IL1RAPL2: variants seen among roughly 807,000 people sequenced by gnomAD.
IL1RAPL2 encodes interleukin 1 receptor accessory protein like 2.
Under a neutral mutation model 44.1 loss-of-function variants are expected in IL1RAPL2, and 3 were observed. The ratio of observed to expected loss-of-function variants is 0.07; its 90% CI spans 0.03 to 0.18. The LOEUF (loss-of-function observed/expected upper bound fraction) is 0.18, where lower values mean the gene tolerates loss of function less well. Ranked by LOEUF, IL1RAPL2 falls within the 10% of genes least tolerant of loss-of-function variation. IL1RAPL2 has a pLI of 1.00. For missense variants in IL1RAPL2, 391 were observed against 496.4 expected, an observed-to-expected ratio of 0.79 and a Z score of 2.02; for synonymous variants, 181 against 178.8, an observed-to-expected ratio of 1.01 and a Z score of -0.10.
chrX:104,887,542 T>A (rs1323673290), intron 2 of IL1RAPL2, among the ~76,000 whole-genome samples: 1 of 111,323 alleles, frequency 9.0e-6, no homozygotes, highest in East Asian at 2.8e-4. Context: ...GGACTACTCA[T>A]GACGTAAATG....
chrX:105,320,034 A>G (rs776500469), intron 5 of IL1RAPL2, among the ~76,000 whole-genome samples: 1 of 111,205 alleles, frequency 9.0e-6, no homozygotes, highest in African/African-American at 3.3e-5. Flanking sequence ...GTACAGACTT[A>G]TATAAGGTCA....
At chrX:104,864,331 C>T (rs1324880392) in intron 2 of IL1RAPL2, among the ~76,000 whole-genome samples, 1 of 112,193 alleles carries the variant, frequency 8.9e-6, no homozygotes, top group Non-Finnish European at 1.9e-5. Context: ...TGTTTCTGAG[C>T]TCTGAAAACT....
intron 5 of IL1RAPL2, among the ~76,000 whole-genome samples, chrX:105,296,318 A>C (rs950523394): frequency 8.9e-5 from 10 of 111,771 alleles, no homozygotes; most frequent in Non-Finnish European, 1.9e-4. Flanking sequence ...CATGACTTTT[A>C]TAATCATCTC....
chrX:105,006,978 C>T (rs2030953369), intron 2 of IL1RAPL2, among the ~76,000 whole-genome samples: 1 of 111,521 alleles, frequency 9.0e-6, no homozygotes, highest in East Asian at 2.9e-4. Flanking sequence ...AGTCCCCTCT[C>T]AAGGGGCTGG....
intron 3 of IL1RAPL2, among the ~76,000 whole-genome samples, chrX:105,218,279 T>C (rs2033886590): frequency 9.0e-6 from 1 of 111,192 alleles, no homozygotes; most frequent in African/African-American, 3.3e-5. Context: ...AACCACGTAC[T>C]AGTGACTCCC....
intron 1 of IL1RAPL2, among the ~76,000 whole-genome samples, chrX:104,610,259 A>G (rs1321851960): frequency 9.0e-6 from 1 of 110,963 alleles, no homozygotes; most frequent in East Asian, 2.9e-4. Context: ...CCTATTCAAC[A>G]TAGTGTTGGA....
chrX:104,713,598 T>C (rs1931501177), intron 2 of IL1RAPL2, among the ~76,000 whole-genome samples: 1 of 110,529 alleles, frequency 9.0e-6, no homozygotes, highest in Non-Finnish European at 1.9e-5. Flanking sequence ...TCTTTTTATG[T>C]GTATATATAT....
chrX:104,979,519 C>A (rs2030398425), intron 2 of IL1RAPL2, among the ~76,000 whole-genome samples: 1 of 111,573 alleles, frequency 9.0e-6, no homozygotes. Flanking sequence ...TTTTGCAATA[C>A]ATGACAGATA....
At chrX:104,733,283 T>C (rs1242696803) in intron 2 of IL1RAPL2, among the ~76,000 whole-genome samples, 1 of 111,297 alleles carries the variant, frequency 9.0e-6, no homozygotes, top group Non-Finnish European at 1.9e-5. Flanking sequence ...ATGATTGTCT[T>C]GATATAAATT....
chrX:105,281,631 A>G (rs1378590740), intron 5 of IL1RAPL2, among the ~76,000 whole-genome samples: 2 of 111,416 alleles, frequency 1.8e-5, no homozygotes, highest in African/African-American at 3.3e-5. Flanking sequence ...TTGTGTTACA[A>G]TTGTCTGTAG....
chrX:104,644,171 A>G (rs1929989983), intron 1 of IL1RAPL2, among the ~76,000 whole-genome samples: 1 of 111,790 alleles, frequency 8.9e-6, no homozygotes, highest in African/African-American at 3.2e-5. Context: ...TATACATATT[A>G]AAGTCATAGA....
At chrX:104,858,660 T>G (rs758414803) in intron 2 of IL1RAPL2, among the ~76,000 whole-genome samples, 27 of 112,433 alleles carry the variant, frequency 2.4e-4, no homozygotes, top group African/African-American at 8.4e-4. Context: ...GTCACTTGCT[T>G]ATCTGTTTGG....
intron 6 of IL1RAPL2, among the ~76,000 whole-genome samples, chrX:105,628,737 G>A (rs1391751165): frequency 1.3e-4 from 15 of 111,717 alleles, no homozygotes. Context: ...GAGTTCAGGA[G>A]TTCAAAACTA....
chrX:104,669,581 T>C (rs752744244), intron 2 of IL1RAPL2, among the ~76,000 whole-genome samples: 1 of 111,912 alleles, frequency 8.9e-6, no homozygotes, highest in East Asian at 2.8e-4. Flanking sequence ...TTTTAAACCA[T>C]ATTCCTGTGC....
intron 2 of IL1RAPL2, among the ~76,000 whole-genome samples, chrX:104,723,813 C>G (rs986089538): frequency 2.7e-5 from 3 of 110,912 alleles, no homozygotes; most frequent in Non-Finnish European, 3.8e-5. Context: ...CTAGTGTCTC[C>G]CCTGAGTTTC....
chrX:104,956,141 G>C (rs1925704707), intron 2 of IL1RAPL2, among the ~76,000 whole-genome samples: 1 of 111,958 alleles, frequency 8.9e-6, no homozygotes, highest in Non-Finnish European at 1.9e-5. Context: ...CCAGCTAAAG[G>C]GTGTAGAGGA....
At chrX:105,238,927 C>T (rs958942070) in intron 4 of IL1RAPL2, among the ~76,000 whole-genome samples, 5 of 111,293 alleles carry the variant, frequency 4.5e-5, no homozygotes, top group African/African-American at 9.8e-5. Context: ...TGAATGCAAA[C>T]GTTTAAAACT....
chrX:105,315,578 GTA>G (rs771525814), intron 5 of IL1RAPL2, among the ~76,000 whole-genome samples: 5,364 of 21,791 alleles, frequency 0.25, 887 homozygotes, highest in African/African-American at 0.37. Context: ...ACTAATGGAT[GTA>G]TATATATATA....
At chrX:105,290,393 G>A (rs2034603784) in intron 5 of IL1RAPL2, among the ~76,000 whole-genome samples, 1 of 111,151 alleles carries the variant, frequency 9.0e-6, no homozygotes, top group Admixed American at 9.6e-5. Flanking sequence ...AGGAGGTGGT[G>A]GGAGAAGGCT....
Sources: allele counts gnomAD v4.1 joint callset (sites outside exome capture counted in the v4.1 genomes callset), GRCh38; gene constraint gnomAD v4.1.1; transcripts MANE v1.5; gene names NCBI Gene and HGNC (gene_info 2026-07-23, HGNC 2026-07-21).